The following RIMBP2 variants were observed in gnomAD, a reference collection of about 807,000 sequenced individuals.
The protein encoded by RIMBP2 is RIMS binding protein 2.
A neutral mutation model predicts 118.6 loss-of-function variants in RIMBP2; 48 were observed. That is an observed-to-expected ratio of 0.40 (90% confidence interval 0.32 to 0.51). The LOEUF is 0.51. Ranked by LOEUF, RIMBP2 falls within the 20% of genes least tolerant of loss-of-function variation. The pLI is 0.41. For synonymous variants in RIMBP2, 762 were observed against 742.9 expected (o/e 1.03, Z -0.42); for missense variants, 1,551 against 1,768.3 (o/e 0.88, Z 2.20).
chr12:130,446,019 T>TCCCCCCC lies in RIMBP2; in HGVS notation c.582-757_582-751dup, dbSNP rs11287921. On this transcript the variant is annotated intron_variant, in intron 9 of 22. Transcript: ENST00000690449. The surrounding 1 kb of genome is among the most constrained non-coding windows in gnomAD (Gnocchi z 4.1). ...GAAAAACAGACGCATGATTTTATGC[T>TCCCCCCC]CCCCCCCCCCACACCCCCAGGAATA... is the stretch of plus-strand genomic sequence containing the variant. Among the ~76,000 whole-genome samples the TCCCCCCC allele has an allele frequency of 8.9e-6, 1 of 112,728 alleles. No homozygotes were observed. The highest frequency in any genetic ancestry group is 3.3e-5 in the African/African-American group (1 of 29,940). The allele number at this position is 112,728 out of a possible 152,430, so 74.0% of individuals were successfully genotyped here. A position where few individuals can be genotyped will look rare whatever the true frequency, so the allele number is the denominator to read the frequency against.
rs745525807 is a variant in RIMBP2 at position 130,436,825 on chromosome 12, G to A, written c.2106+17C>T. 3.1e-5 allele frequency: 42 copies of A among 1,375,608 alleles called. No homozygotes were observed. The highest frequency in any genetic ancestry group is 4.5e-5 in the African/African-American group (3 of 65,998). The allele number at this position is 1,375,608 out of a possible 1,614,324, so 85.2% of individuals were successfully genotyped here. ...TTGGGGACTGAGGAGCCACCGAGGC[G>A]GGAGCCCCAGCCTTACCCTGCTGCT... On this transcript the variant is annotated intron_variant, in intron 13 of 22. Transcript: ENST00000690449.
intron 1 of RIMBP2, among the ~76,000 whole-genome samples, chr12:130,682,491 T>C (rs191522863): frequency 3.9e-5 from 6 of 152,244 alleles, no homozygotes; most frequent in Admixed American, 3.3e-4. Flanking sequence ...GCGCCGCTTA[T>C]GGATGTGAGC....
At chr12:130,408,784 C>G (rs147338840) in intron 19 of RIMBP2, among the ~76,000 whole-genome samples, 320 of 152,316 alleles carry the variant, frequency 2.1e-3, no homozygotes, top group Middle Eastern at 0.01. Context: ...TTGGGGAATT[C>G]CAAACATACA....
chr12:130,432,052 A>G (rs2077185387), intron 14 of RIMBP2: 1 of 322,694 alleles, frequency 3.1e-6, no homozygotes, highest in Admixed American at 4.3e-5. Flanking sequence ...GCCATAAGAC[A>G]GCGCTGAATG....
intron 5 of RIMBP2, among the ~76,000 whole-genome samples, chr12:130,471,264 T>G (rs1340121005): frequency 2.0e-5 from 3 of 152,198 alleles, no homozygotes; most frequent in Non-Finnish European, 1.5e-5. Flanking sequence ...TAACTTCACA[T>G]GTTTCACTAC....
Position 130,450,181 on chromosome 12 carries a change from G to C in RIMBP2, c.581+19C>G. On this transcript the variant is annotated intron_variant, in intron 9 of 22. Transcript: ENST00000690449. This position sits in a 1 kb window ranked among gnomAD's most constrained non-coding sequence, Gnocchi z 4.8. ...CCCCACTCACAGGGGCTCGGTGGAC[G>C]CCGAGGGGCCGCACTTACCTATAGC... is the stretch of plus-strand genomic sequence containing the variant. The C allele has an allele frequency of 6.4e-7, 1 of 1,572,288 alleles. No homozygotes were observed. The highest frequency in any genetic ancestry group is 8.7e-7 in the Non-Finnish European group (1 of 1,149,870).
intron 2 of RIMBP2, among the ~76,000 whole-genome samples, chr12:130,606,219 G>C (rs775225911): frequency 3.9e-5 from 6 of 152,196 alleles, no homozygotes; most frequent in Non-Finnish European, 7.3e-5. Flanking sequence ...GAGTCTATAT[G>C]GTGGGAATTA....
chr12:130,528,617 T>C (rs948468367), intron 2 of RIMBP2, among the ~76,000 whole-genome samples: 1 of 152,196 alleles, frequency 6.6e-6, no homozygotes, highest in African/African-American at 2.4e-5. Context: ...AAAATAAAAA[T>C]GTCTCTCAAT....
At chr12:130,676,429 C>T (rs946167900) in intron 1 of RIMBP2, among the ~76,000 whole-genome samples, 1 of 151,502 alleles carries the variant, frequency 6.6e-6, no homozygotes, top group African/African-American at 2.4e-5. Flanking sequence ...TGGAGACCAT[C>T]CTGGCCAACA....
chr12:130,534,040 T>C (rs2139401235), intron 2 of RIMBP2, among the ~76,000 whole-genome samples: 1 of 151,356 alleles, frequency 6.6e-6, no homozygotes, highest in African/African-American at 2.4e-5. Context: ...GTGGTGCATA[T>C]CTGTAATCCC....
At chr12:130,494,648 A>AAAAG (rs1555269299) in intron 4 of RIMBP2, among the ~76,000 whole-genome samples, 4 of 125,658 alleles carry the variant, frequency 3.2e-5, no homozygotes, top group East Asian at 3.8e-4. Context: ...CAAAAAAAAA[A>AAAAG]AAAGAAAGAA....
At chr12:130,631,701 A>G (rs944430426) in intron 1 of RIMBP2, among the ~76,000 whole-genome samples, 3 of 152,198 alleles carry the variant, frequency 2.0e-5, no homozygotes, top group Non-Finnish European at 4.4e-5. Flanking sequence ...AAAAGTTACA[A>G]TATTGGCAAT....
At chr12:130,486,956 C>G (rs2082545813) in intron 4 of RIMBP2, among the ~76,000 whole-genome samples, 1 of 152,132 alleles carries the variant, frequency 6.6e-6, no homozygotes, top group Admixed American at 6.5e-5. Context: ...GAGATTGCCC[C>G]ACAGCCATTC....
chr12:130,613,873 G>T (rs961460045), intron 2 of RIMBP2, among the ~76,000 whole-genome samples: 1 of 149,176 alleles, frequency 6.7e-6, no homozygotes, highest in African/African-American at 2.5e-5. Flanking sequence ...GGCCTTTTCC[G>T]TTCTTCCTGC....
intron 1 of RIMBP2, among the ~76,000 whole-genome samples, chr12:130,692,266 G>A (rs2065343534): frequency 6.6e-6 from 1 of 152,096 alleles, no homozygotes; most frequent in Admixed American, 6.5e-5. Context: ...GCCCCCCAGG[G>A]CCTTGTGGTC....
At chr12:130,539,313 C>T (rs574949820) in intron 2 of RIMBP2, among the ~76,000 whole-genome samples, 1 of 152,038 alleles carries the variant, frequency 6.6e-6, no homozygotes, top group African/African-American at 2.4e-5. Flanking sequence ...ATGTAAAGAA[C>T]AGTGTCAGTG....
At chr12:130,671,273 C>G (rs1182763003) in intron 1 of RIMBP2, among the ~76,000 whole-genome samples, 1 of 152,164 alleles carries the variant, frequency 6.6e-6, no homozygotes, top group African/African-American at 2.4e-5. Flanking sequence ...ATGAAGTCCC[C>G]CTTGTTTACG....
chr12:130,593,057 G>A (rs913714605), intron 2 of RIMBP2, among the ~76,000 whole-genome samples: 2 of 152,168 alleles, frequency 1.3e-5, no homozygotes, highest in Non-Finnish European at 2.9e-5. Flanking sequence ...TTCAGCCTCG[G>A]CTCAGTTCCT....
At chr12:130,588,156 C>T (rs1000280187) in intron 2 of RIMBP2, among the ~76,000 whole-genome samples, 4 of 152,096 alleles carry the variant, frequency 2.6e-5, no homozygotes, top group African/African-American at 9.7e-5. Flanking sequence ...CTTCAAAACC[C>T]AGCCCAAGTC....
Sources: allele counts gnomAD v4.1 joint callset (sites outside exome capture counted in the v4.1 genomes callset), GRCh38; gene constraint gnomAD v4.1.1; non-coding constraint Gnocchi (gnomAD v3.1); transcripts MANE v1.5; gene names NCBI Gene and HGNC (gene_info 2026-07-23, HGNC 2026-07-21).